Variants in ATG16L1 observed in about 807,000 individuals in gnomAD.
ATG16L1 encodes the protein autophagy-related protein 16-1.
Under a neutral mutation model 88.5 loss-of-function variants are expected in ATG16L1, and 37 were observed. That is an observed-to-expected ratio of 0.42 (90% CI 0.32 to 0.55). The LOEUF is 0.55. Ranked by LOEUF, ATG16L1 falls within the 20% of genes least tolerant of loss-of-function variation. ATG16L1 has a pLI of 0.13. For synonymous variants in ATG16L1, 301 were observed against 281.0 expected, an observed-to-expected ratio of 1.07 and a Z score of -0.71; for missense variants, 554 against 752.8, an observed-to-expected ratio of 0.74 and a Z score of 3.09.
At chr2:233,276,472 C>A (rs1459003094) in intron 9 of ATG16L1, among the ~76,000 whole-genome samples, 1 of 151,990 alleles carries the variant, frequency 6.6e-6, no homozygotes, top group Non-Finnish European at 1.5e-5. Context: ...TCGATTATTC[C>A]CTTTTCCCAT....
intron 5 of ATG16L1, among the ~76,000 whole-genome samples, chr2:233,269,106 T>C (rs1423247634): frequency 6.6e-6 from 1 of 152,190 alleles, no homozygotes; most frequent in Non-Finnish European, 1.5e-5. Flanking sequence ...GGATGAGACT[T>C]TGACCATGTT....
At chr2:233,284,594 A>C (rs1402395829) in intron 12 of ATG16L1, among the ~76,000 whole-genome samples, 3 of 152,126 alleles carry the variant, frequency 2.0e-5, no homozygotes, top group Admixed American at 2.0e-4. Context: ...AGCCTCCCAA[A>C]GTGTTGGGAT....
At chr2:233,292,307 A>C (rs1299659960) in intron 15 of ATG16L1, 30 bp downstream of exon 15, 2 of 1,612,986 alleles carry the variant, frequency 1.2e-6, no homozygotes, top group South Asian at 2.2e-5. Flanking sequence ...TTGCATGAAG[A>C]CCAGAGGCCC....
intron 9 of ATG16L1, chr2:233,275,790 A>G: frequency 1.9e-6 from 1 of 519,030 alleles, no homozygotes; most frequent in Non-Finnish European, 3.8e-6. Flanking sequence ...GTTGCCCTCA[A>G]CTCCCAGCAG....
chr2:233,270,090 A>G, intron 6 of ATG16L1, 23 bp downstream of exon 6: 1 of 1,550,250 alleles, frequency 6.5e-7, no homozygotes, highest in East Asian at 2.3e-5. Context: ...AAATGAATCA[A>G]AACTGTGTTT....
intron 17 of ATG16L1, among the ~76,000 whole-genome samples, chr2:233,293,796 C>G (rs952852778): frequency 3.9e-5 from 6 of 152,306 alleles, no homozygotes; most frequent in African/African-American, 1.4e-4. Flanking sequence ...CCCCAGACCC[C>G]CTTTTTTCCT....
intron 2 of ATG16L1, among the ~76,000 whole-genome samples, chr2:233,262,152 A>G (rs868625199): frequency 1.3e-5 from 2 of 152,110 alleles, no homozygotes; most frequent in Admixed American, 6.5e-5. Context: ...CTTGACTCCT[A>G]TCTGTCTTCA....
chr2:233,274,175 C>G, intron 8 of ATG16L1: 1 of 985,844 alleles, frequency 1.0e-6, no homozygotes, highest in Non-Finnish European at 1.5e-6. Flanking sequence ...CCTAGGAATG[C>G]CGGGAGCCCT....
chr2:233,253,883 T>C (rs1696595789), intron 1 of ATG16L1, among the ~76,000 whole-genome samples: 1 of 152,180 alleles, frequency 6.6e-6, no homozygotes, highest in South Asian at 2.1e-4. Context: ...CATAAATCAG[T>C]TCATTAGGTG....
At chr2:233,277,952 G>T (rs544724325) in intron 10 of ATG16L1, among the ~76,000 whole-genome samples, 2 of 152,164 alleles carry the variant, frequency 1.3e-5, no homozygotes, top group Admixed American at 1.3e-4. Flanking sequence ...TAAGGTTTCT[G>T]TAGTTTTTCT....
At chr2:233,269,545 A>G (rs1697840681) in intron 5 of ATG16L1, among the ~76,000 whole-genome samples, 2 of 152,250 alleles carry the variant, frequency 1.3e-5, no homozygotes, top group Admixed American at 6.5e-5. Flanking sequence ...CAAGATTTAT[A>G]TCATGTTTAT....
intron 1 of ATG16L1, among the ~76,000 whole-genome samples, chr2:233,255,232 C>T (rs1054889982): frequency 5.9e-5 from 9 of 152,294 alleles, no homozygotes; most frequent in African/African-American, 2.2e-4. Context: ...TTCCAAAGTG[C>T]TGCGATTACA....
chr2:233,278,713 G>A (rs1404664074), intron 10 of ATG16L1, among the ~76,000 whole-genome samples: 1 of 152,096 alleles, frequency 6.6e-6, no homozygotes, highest in African/African-American at 2.4e-5. Context: ...TGCTTTTAAG[G>A]TTTATCAGAG....
intron 2 of ATG16L1, 65 bp from the exon 3 acceptor site, chr2:233,263,065 G>A: frequency 1.5e-6 from 2 of 1,359,088 alleles, no homozygotes; most frequent in Non-Finnish European, 2.1e-6. Flanking sequence ...GGAAAGGTTT[G>A]GAGTCTCATT....
chr2:233,256,017 C>T (rs532369598), intron 1 of ATG16L1, 85 bp from the exon 2 acceptor site: 1 of 1,057,538 alleles, frequency 9.5e-7, no homozygotes, highest in South Asian at 1.3e-5. Context: ...GTATTGCATC[C>T]TTCAATACAT....
At chr2:233,276,824 C>T (rs1290117713) in intron 9 of ATG16L1, among the ~76,000 whole-genome samples, 8 of 151,000 alleles carry the variant, frequency 5.3e-5, no homozygotes, top group African/African-American at 2.0e-4. Flanking sequence ...ACATAAGTAC[C>T]ATCTTTTGCC....
chr2:233,277,426 G>A (rs1017829629), intron 9 of ATG16L1, 142 bp from the exon 10 acceptor site: 2 of 664,608 alleles, frequency 3.0e-6, no homozygotes. Context: ...ACCTGGGCTA[G>A]GAGTCCAGTT....
intron 16 of ATG16L1, 44 bp from the exon 17 acceptor site, chr2:233,293,212 G>T (rs1448472356): frequency 6.6e-7 from 1 of 1,520,012 alleles, no homozygotes; most frequent in Admixed American, 1.7e-5. Flanking sequence ...GCTGAATTGG[G>T]GGTGGGGAAT....
At chr2:233,288,913 T>A (rs747879527) in intron 12 of ATG16L1, 4 of 519,198 alleles carry the variant, frequency 7.7e-6, no homozygotes, top group Non-Finnish European at 1.5e-5. Flanking sequence ...TATCTGTGGC[T>A]ATGATCTGCC....
Sources: allele counts gnomAD v4.1 joint callset (sites outside exome capture counted in the v4.1 genomes callset), GRCh38; gene constraint gnomAD v4.1.1; transcripts MANE v1.5; gene names NCBI Gene and HGNC (gene_info 2026-07-23, HGNC 2026-07-21).